The following MRAS variants were observed in gnomAD, a reference collection of about 807,000 sequenced individuals.
The protein encoded by MRAS is ras-related protein M-Ras.
Under a neutral mutation model 20.9 loss-of-function variants are expected in MRAS, and 4 were observed. The observed-to-expected ratio is 0.19, with a 90% confidence interval of 0.09 to 0.44. The LOEUF is 0.44. MRAS is among the 20% of genes least tolerant of loss of function. The pLI, the probability that MRAS is intolerant of heterozygous loss-of-function variation, is 0.99. For synonymous variants in MRAS, 98 were observed against 102.9 expected (o/e 0.95, Z 0.29); for missense variants, 154 against 277.5 (o/e 0.56, Z 3.16).
At chr3:138,399,170 C>T (rs139957277) in intron 4 of MRAS, among the ~76,000 whole-genome samples, 135 of 152,324 alleles carry the variant, frequency 8.9e-4, no homozygotes, top group African/African-American at 1.4e-3. Context: ...CTCTGCCAGC[C>T]GGTGTTGACC....
At chr3:138,397,083 G>GGA (rs1170228213) in intron 2 of MRAS, among the ~76,000 whole-genome samples, 2 of 152,184 alleles carry the variant, frequency 1.3e-5, no homozygotes, top group African/African-American at 4.8e-5. Context: ...TGAAACTGGA[G>GGA]GAGAAGGGTT....
intron 2 of MRAS, among the ~76,000 whole-genome samples, chr3:138,392,062 C>T (rs760282361): frequency 1.3e-5 from 2 of 152,116 alleles, no homozygotes; most frequent in African/African-American, 2.4e-5. Flanking sequence ...CGCTGGAACC[C>T]GGCAGGCGGA....
upstream of MRAS, chr3:138,348,363 C>T (rs1465243588): frequency 2.0e-5 from 3 of 152,354 alleles, no homozygotes; most frequent in East Asian, 5.8e-4. Flanking sequence ...CGGCGCCGAC[C>T]CCAGCCCCTG....
intron 2 of MRAS, among the ~76,000 whole-genome samples, chr3:138,377,483 C>T (rs2054808856): frequency 6.6e-6 from 1 of 152,186 alleles, no homozygotes; most frequent in Non-Finnish European, 1.5e-5. Flanking sequence ...TGGCGCCTGT[C>T]ATCTCAGCTA....
intron 1 of MRAS, among the ~76,000 whole-genome samples, chr3:138,365,581 G>C (rs2054542547): frequency 6.6e-6 from 1 of 152,212 alleles, no homozygotes; most frequent in African/African-American, 2.4e-5. Flanking sequence ...GAAAAGCACG[G>C]ATTGGTAGAT....
upstream of MRAS, chr3:138,348,234 T>C (rs1269636686): frequency 6.6e-6 from 1 of 152,156 alleles, no homozygotes; most frequent in Non-Finnish European, 1.5e-5. Flanking sequence ...GATTTAAAGG[T>C]TGGAGCGCAG....
rs1394498979 is a variant in MRAS, at chr3:138,402,784, C to T, written c.*515C>T. The T allele has an allele frequency of 6.6e-6, 1 of 152,652 alleles. No homozygotes were observed. The highest frequency in any genetic ancestry group is 2.4e-5 in the African/African-American group (1 of 41,424). 9.5% of individuals were successfully genotyped at this position (152,652 alleles called of 1,614,324 possible). On this transcript the variant is annotated 3_prime_UTR_variant, in exon 6 of 6. Coordinates refer to ENST00000423968, the MANE Select transcript of MRAS (RefSeq NM_001085049.3). ...GTGAAGTTTCAAGTGTTCAGCAGACCTCTCTGGTAACATATCTGGAATATT... is the reference window on the plus strand; with the variant it reads ...GTGAAGTTTCAAGTGTTCAGCAGACTTCTCTGGTAACATATCTGGAATATT...
intron 1 of MRAS, among the ~76,000 whole-genome samples, chr3:138,358,327 A>ACTCT (rs10664497): frequency 7.1e-6 from 1 of 140,892 alleles, no homozygotes; most frequent in Non-Finnish European, 1.5e-5. Context: ...ACAGAACAAG[A>ACTCT]CTCTCTCAAA....
intron 1 of MRAS, among the ~76,000 whole-genome samples, chr3:138,356,436 G>A (rs3773758): frequency 0.65 from 98,889 of 151,918 alleles, 32,235 homozygotes; most frequent in Admixed American, 0.76. Flanking sequence ...TTTTTTTCCT[G>A]ATCCTTTAGA....
intron 2 of MRAS, among the ~76,000 whole-genome samples, chr3:138,373,332 CAT>C (rs1477129529): frequency 6.6e-6 from 1 of 152,184 alleles, no homozygotes; most frequent in Admixed American, 6.5e-5. Flanking sequence ...TCAGTGATGT[CAT>C]GTGTGTTTTT....
At chr3:138,373,118 A>G in intron 2 of MRAS, 42 bp downstream of exon 2, 2 of 1,380,746 alleles carry the variant, frequency 1.4e-6, no homozygotes, top group African/African-American at 1.5e-5. Context: ...GGGATAGTAG[A>G]TGGGGAGGAT....
At chr3:138,373,862 A>G (rs2054724429) in intron 2 of MRAS, among the ~76,000 whole-genome samples, 1 of 143,420 alleles carries the variant, frequency 7.0e-6, no homozygotes, top group South Asian at 2.2e-4. Flanking sequence ...ACCCATGAAC[A>G]CAGTATCTCT....
rs2055410888 is a variant in MRAS, at chr3:138,404,086, A to C, written c.*1817A>C. 6.6e-6 allele frequency: 1 copy of C among 152,254 alleles called. No individual in the cohort carries two copies. Among genetic ancestry groups the C allele is most frequent in the Non-Finnish European group, 1.5e-5 (1 of 68,054 alleles). The allele number at this position is 152,254 out of a possible 1,614,324, so 9.4% of individuals were successfully genotyped here. A position where few individuals can be genotyped will look rare whatever the true frequency, so the allele number is the denominator to read the frequency against. On this transcript the variant is annotated 3_prime_UTR_variant, in exon 6 of 6. Transcript: ENST00000423968. The stretch of plus-strand genomic sequence containing the variant: ...TAAGAGAGAACATTCCAGGTGAGGC[A>C]CTTCAAAGTTTCCTTAGACCCTATA...
intron 1 of MRAS, among the ~76,000 whole-genome samples, chr3:138,356,893 C>A (rs944276142): frequency 6.6e-6 from 1 of 152,200 alleles, no homozygotes; most frequent in Non-Finnish European, 1.5e-5. Flanking sequence ...ACTCACTGAC[C>A]CCGTCCCCCC....
chr3:138,400,459 T>A (rs777425369), intron 4 of MRAS, 75 bp from the exon 5 acceptor site: 56 of 1,389,640 alleles, frequency 4.0e-5, no homozygotes, highest in Non-Finnish European at 5.2e-5. Context: ...TCAGAACCTC[T>A]GGGCATTTTT....
rs1162069072 is a variant in MRAS, at chr3:138,387,067, C to T, written c.194-10257C>T. 3.3e-5 allele frequency among the ~76,000 whole-genome samples: 5 copies of T among 152,110 alleles called. No individual in the cohort carries two copies. The East Asian group carries it at 7.8e-4, about 24-fold the overall frequency. On this transcript the variant is annotated intron_variant, in intron 2 of 5. Coordinates refer to ENST00000423968, the MANE Select transcript of MRAS (RefSeq NM_001085049.3). ...GGTGCAAGCATGTGGAATTTATCTC[C>T]TGGTAGATCCCTGTTTCAATTCCTG... is the stretch of plus-strand genomic sequence containing the variant.
At chr3:138,370,503 C>T (rs577053981) in intron 1 of MRAS, among the ~76,000 whole-genome samples, 24 of 152,148 alleles carry the variant, frequency 1.6e-4, no homozygotes, top group African/African-American at 3.4e-4. Flanking sequence ...AACTCCCCTC[C>T]GCCCTCTCTC....
In MRAS at chr3:138,402,520, C is replaced by G. The variant is rs768926461; in HGVS notation, c.*251C>G. 2.3e-6 allele frequency: 1 copy of G among 433,342 alleles called. No individual in the cohort carries two copies. The highest frequency in any genetic ancestry group is 4.0e-5 in the Admixed American group (1 of 25,046). 26.8% of individuals were successfully genotyped at this position (433,342 alleles called of 1,614,324 possible). A position where few individuals can be genotyped will look rare whatever the true frequency, so the allele number is the denominator to read the frequency against. On this transcript the variant is annotated 3_prime_UTR_variant, in exon 6 of 6. Transcript: ENST00000423968. ...CAGCATCCAAGTGCCCCTGGCCCCCCCATGTGTTGATTCAACCCGGTTCCT... is the reference window on the plus strand; with the variant it reads ...CAGCATCCAAGTGCCCCTGGCCCCCGCATGTGTTGATTCAACCCGGTTCCT...
chr3:138,392,292 C>A (rs2055148567), intron 2 of MRAS, among the ~76,000 whole-genome samples: 1 of 152,186 alleles, frequency 6.6e-6, no homozygotes, highest in Non-Finnish European at 1.5e-5. Context: ...ATTGGAACCT[C>A]AAACTCTTGG....
Sources: gnomAD v4.1 joint callset for allele counts (sites outside exome capture counted in the v4.1 genomes callset) on GRCh38, gnomAD v4.1.1 for gene constraint, MANE v1.5 for transcripts, NCBI Gene and HGNC (gene_info 2026-07-23, HGNC 2026-07-21) for gene names.